Variants in CLMP observed in about 807,000 individuals in gnomAD.
CLMP encodes CXADR like cell adhesion molecule.
In CLMP, 27 loss-of-function variants were observed where a neutral mutation model predicts 45.2. That is an observed-to-expected ratio of 0.60 (90% CI 0.44 to 0.82). The LOEUF (loss-of-function observed/expected upper bound fraction) is 0.82. CLMP is among the 40% of genes least tolerant of loss of function. The pLI, the probability that CLMP is intolerant of heterozygous loss-of-function variation, is 0.00. For missense variants in CLMP, 403 were observed against 448.4 expected, an observed-to-expected ratio of 0.90 and a Z score of 0.91; for synonymous variants, 167 against 171.4, an observed-to-expected ratio of 0.97 and a Z score of 0.20.
Position 123,195,072 on chromosome 11 carries a change from G to A in CLMP, c.-132C>T. On this transcript the variant is annotated 5_prime_UTR_variant, in exon 1 of 7. Transcript: ENST00000448775. ...GCGCGCGAGGTGGCTGCAGCCATGT[G>A]CCGGGCGGGAGCCGGCCCCGCGCCC... The A allele has an allele frequency of 1.3e-6, 1 of 750,608 alleles. No individual in the cohort carries two copies. Among genetic ancestry groups the A allele is most frequent in the African/African-American group, 1.8e-5 (1 of 55,166 alleles). The allele number at this position is 750,608 out of a possible 1,614,324, so 46.5% of individuals were successfully genotyped here.
chr11:123,169,364 T>G (rs1001353213), intron 1 of CLMP, among the ~76,000 whole-genome samples: 2 of 152,330 alleles, frequency 1.3e-5, no homozygotes, highest in Admixed American at 6.5e-5. Context: ...AAATTGCAGA[T>G]CTGGGTTTTT....
chr11:123,081,184 CA>C (rs923950319), intron 5 of CLMP, among the ~76,000 whole-genome samples: 15 of 146,654 alleles, frequency 1.0e-4, no homozygotes, highest in African/African-American at 3.7e-4. Flanking sequence ...AAACCAACAA[CA>C]AAAAAAAACA....
At chr11:123,108,824 C>T (rs553479968) in intron 1 of CLMP, among the ~76,000 whole-genome samples, 24 of 152,046 alleles carry the variant, frequency 1.6e-4, no homozygotes, top group African/African-American at 2.6e-4. Flanking sequence ...GAGGCTGAGG[C>T]GGGCGGATCA....
At chr11:123,150,510 AGG>A in intron 1 of CLMP, among the ~76,000 whole-genome samples, 1 of 132,274 alleles carries the variant, frequency 7.6e-6, no homozygotes, top group Non-Finnish European at 1.6e-5. Context: ...GAAGGAAGGA[AGG>A]AAGGAAGGAA....
At chr11:123,182,183 G>A (rs1166376272) in intron 1 of CLMP, among the ~76,000 whole-genome samples, 1 of 152,170 alleles carries the variant, frequency 6.6e-6, no homozygotes, top group Non-Finnish European at 1.5e-5. Context: ...ACACAGCACC[G>A]ATTTAAAAGA....
At chr11:123,137,513 C>T (rs1379968285) in intron 1 of CLMP, among the ~76,000 whole-genome samples, 4 of 152,038 alleles carry the variant, frequency 2.6e-5, no homozygotes, top group African/African-American at 7.2e-5. Context: ...CACCAGAGGC[C>T]GAGCTTGGAC....
intron 1 of CLMP, among the ~76,000 whole-genome samples, chr11:123,167,354 T>C (rs10750232): frequency 0.91 from 138,233 of 152,182 alleles, 62,968 homozygotes; most frequent in African/African-American, 0.97. Context: ...GGCACGATCT[T>C]GGCTCACTGC....
chr11:123,137,601 C>T (rs1384194550), intron 1 of CLMP, among the ~76,000 whole-genome samples: 2 of 151,962 alleles, frequency 1.3e-5, no homozygotes, highest in African/African-American at 4.8e-5. Context: ...TGAGAGCTCC[C>T]CCGAGCAGGC....
chr11:123,139,684 C>T (rs763557889), intron 1 of CLMP, among the ~76,000 whole-genome samples: 3 of 152,026 alleles, frequency 2.0e-5, no homozygotes, highest in Admixed American at 6.6e-5. Flanking sequence ...GGCATGGTGG[C>T]GCATGCCTGT....
chr11:123,129,346 A>AATATATCATATGCTATATTATATAAAAT (rs1860947740), intron 1 of CLMP, among the ~76,000 whole-genome samples: 16 of 133,302 alleles, frequency 1.2e-4, no homozygotes, highest in East Asian at 6.1e-4. Context: ...ATATATATAA[A>AATATATCATATGCTATATTATATAAAAT]ATATATCATA....
intron 2 of CLMP, among the ~76,000 whole-genome samples, chr11:123,087,887 T>A (rs879751984): frequency 1.3e-5 from 2 of 151,672 alleles, no homozygotes; most frequent in Non-Finnish European, 2.9e-5. Flanking sequence ...TGTTGTACTC[T>A]GTAGGGTAGG....
intron 2 of CLMP, among the ~76,000 whole-genome samples, chr11:123,094,224 A>G (rs919078441): frequency 5.3e-5 from 8 of 152,102 alleles, no homozygotes; most frequent in Non-Finnish European, 1.2e-4. Flanking sequence ...CTCCCACCTT[A>G]GCCTCATAAG....
At chr11:123,086,787 G>C (rs1167596751) in intron 2 of CLMP, among the ~76,000 whole-genome samples, 2 of 152,182 alleles carry the variant, frequency 1.3e-5, no homozygotes, top group Non-Finnish European at 2.9e-5. Flanking sequence ...GACCAAGGCT[G>C]GTGGTTTGCT....
intron 1 of CLMP, among the ~76,000 whole-genome samples, chr11:123,178,018 A>G (rs1047449439): frequency 5.9e-5 from 9 of 151,896 alleles, no homozygotes; most frequent in Non-Finnish European, 8.8e-5. Context: ...ACGTGCCACT[A>G]TGCTGGGCTA....
At chr11:123,115,428 T>C (rs1471818668) in intron 1 of CLMP, among the ~76,000 whole-genome samples, 3 of 152,174 alleles carry the variant, frequency 2.0e-5, no homozygotes, top group Non-Finnish European at 4.4e-5. Flanking sequence ...TCTTTACTGT[T>C]ATTTGGAATA....
chr11:123,150,532 GAAACA>G (rs1213779384), intron 1 of CLMP, among the ~76,000 whole-genome samples: 4 of 111,130 alleles, frequency 3.6e-5, no homozygotes, highest in African/African-American at 1.1e-4. Context: ...AGGAAGGAAA[GAAACA>G]AGCAAGGAAG....
rs529613516 is a variant in CLMP at position 123,135,259 on chromosome 11, CA to C, written c.29-37308del. On this transcript the variant is annotated intron_variant, in intron 1 of 6. Transcript: ENST00000448775. ...TGGGTGATAGAAAAAGACTCCGTCTCAAAAAAAAAAAAAAAACCTGAGAAAA... is the reference window on the plus strand; with the variant it reads ...TGGGTGATAGAAAAAGACTCCGTCTCAAAAAAAAAAAAAAACCTGAGAAAA... Among the ~76,000 whole-genome samples the C allele has an allele frequency of 3.6e-3, 321 of 89,074 alleles. 1 individual carries two copies. The highest frequency in any genetic ancestry group is 7.4e-3 in the African/African-American group (185 of 25,136). The allele number at this position is 89,074 out of a possible 152,430, so 58.4% of individuals were successfully genotyped here.
chr11:123,109,793 A>G (rs1711154493), intron 1 of CLMP, among the ~76,000 whole-genome samples: 1 of 152,208 alleles, frequency 6.6e-6, no homozygotes, highest in South Asian at 2.1e-4. Context: ...CGATGTTCCA[A>G]ACACCGAGTA....
chr11:123,154,784 G>T (rs1861389605), intron 1 of CLMP, among the ~76,000 whole-genome samples: 1 of 152,130 alleles, frequency 6.6e-6, no homozygotes, highest in African/African-American at 2.4e-5. Context: ...CCATTGTGAA[G>T]GCCCAGATTT....
Sources: allele counts gnomAD v4.1 joint callset (sites outside exome capture counted in the v4.1 genomes callset), GRCh38; gene constraint gnomAD v4.1.1; transcripts MANE v1.5; gene names NCBI Gene and HGNC (gene_info 2026-07-23, HGNC 2026-07-21).